CA1: variants seen among roughly 807,000 people sequenced by gnomAD.
CA1 encodes the protein carbonate dehydratase I.
A neutral mutation model predicts 28.8 loss-of-function variants in CA1; 27 were observed. The observed-to-expected ratio is 0.94, with a 90% CI of 0.69 to 1.29. The LOEUF (loss-of-function observed/expected upper bound fraction) is 1.29. CA1 is among the 50% of genes most tolerant of loss of function. The pLI is 0.00. For missense variants in CA1, 335 were observed against 310.5 expected (o/e 1.08, Z -0.59); for synonymous variants, 121 against 108.8 (o/e 1.11, Z -0.70).
intron 7 of CA1, 82 bp downstream of exon 7, chr8:85,329,607 T>C (rs1289727098): frequency 8.3e-7 from 1 of 1,205,064 alleles, no homozygotes; most frequent in Non-Finnish European, 1.2e-6. Flanking sequence ...CTGACTGAAA[T>C]AATAATCTCT....
chr8:85,376,982 T>G (rs1810442702), intron 1 of CA1, among the ~76,000 whole-genome samples: 1 of 152,214 alleles, frequency 6.6e-6, no homozygotes, highest in African/African-American at 2.4e-5. Context: ...TTTACAATAC[T>G]GGGAGAAGAG....
chr8:85,340,075 A>G (rs1013838967), intron 2 of CA1, among the ~76,000 whole-genome samples: 1 of 152,242 alleles, frequency 6.6e-6, no homozygotes, highest in Non-Finnish European at 1.5e-5. Context: ...TGACTACACT[A>G]AACAACAGAT....
rs76157700 is a variant in CA1, at chr8:85,371,914, T to A, written c.-25+6132A>T. On this transcript the variant is annotated intron_variant, in intron 1 of 7. Transcript: ENST00000523022. ...TGATTTTAAGCTCAACCATCAAACA[T>A]CCATTAAACACCAAGTATATGTCAG... Among the ~76,000 whole-genome samples, 1,479 of 152,182 alleles carry A rather than the reference T, an allele frequency of 9.7e-3. 29 individuals carry two copies. The highest frequency in any genetic ancestry group is 0.034 in the African/African-American group (1,407 of 41,522).
chr8:85,340,693 A>T (rs1808877309), intron 2 of CA1, among the ~76,000 whole-genome samples: 1 of 152,198 alleles, frequency 6.6e-6, no homozygotes, highest in Admixed American at 6.5e-5. Context: ...GAACATTTGT[A>T]ATTCATGGGA....
intron 1 of CA1, among the ~76,000 whole-genome samples, chr8:85,353,200 G>A (rs929957789): frequency 6.6e-6 from 1 of 152,192 alleles, no homozygotes; most frequent in African/African-American, 2.4e-5. Context: ...CTAACATGAC[G>A]CTATAGACTT....
chr8:85,345,676 C>A (rs1158785755), intron 1 of CA1, among the ~76,000 whole-genome samples: 1 of 152,146 alleles, frequency 6.6e-6, no homozygotes, highest in Non-Finnish European at 1.5e-5. Context: ...CCCAAGTGCA[C>A]TGATCTGAAC....
intron 1 of CA1, among the ~76,000 whole-genome samples, chr8:85,376,523 G>A (rs1420163035): frequency 2.0e-5 from 3 of 151,470 alleles, no homozygotes; most frequent in South Asian, 2.1e-4. Flanking sequence ...TTAGACGGGC[G>A]TGGTGGCACA....
chr8:85,341,731 TG>T (rs2130222650), intron 1 of CA1, 72 bp from the exon 2 acceptor site: 2 of 842,800 alleles, frequency 2.4e-6, no homozygotes, highest in African/African-American at 1.7e-5. Flanking sequence ...AATCCCTGCT[TG>T]GGCGTTTTTA....
At chr8:85,366,111 T>C (rs1164998510) in intron 1 of CA1, among the ~76,000 whole-genome samples, 2 of 151,974 alleles carry the variant, frequency 1.3e-5, no homozygotes, top group Non-Finnish European at 2.9e-5. Flanking sequence ...AGCAGAACTA[T>C]TGTTAATCCA....
chr8:85,361,777 A>G (rs1052654349), intron 1 of CA1, among the ~76,000 whole-genome samples: 4 of 152,204 alleles, frequency 2.6e-5, no homozygotes, highest in African/African-American at 9.7e-5. Flanking sequence ...TGGAAACTCC[A>G]TGTGGATTGC....
At chr8:85,373,529 T>G (rs1460554166) in intron 1 of CA1, 2 of 152,236 alleles carry the variant, frequency 1.3e-5, no homozygotes, top group Non-Finnish European at 1.5e-5. Flanking sequence ...ACATAACTTT[T>G]ATTATGATAT....
chr8:85,345,488 T>G (rs541515761), intron 1 of CA1, among the ~76,000 whole-genome samples: 8 of 152,352 alleles, frequency 5.3e-5, no homozygotes, highest in African/African-American at 1.7e-4. Context: ...CTCTATGATA[T>G]GATAAAACCT....
chr8:85,360,092 A>G (rs1275667063), intron 1 of CA1, among the ~76,000 whole-genome samples: 1 of 152,238 alleles, frequency 6.6e-6, no homozygotes. Flanking sequence ...TTTGTTAGCC[A>G]GTCTTTGGGA....
chr8:85,333,325 A>G (rs1808489663), intron 5 of CA1, among the ~76,000 whole-genome samples, 200 bp downstream of exon 5: 1 of 152,196 alleles, frequency 6.6e-6, no homozygotes, highest in Non-Finnish European at 1.5e-5. Flanking sequence ...CCTGAAACTC[A>G]TTTCTCTCTT....
At chr8:85,364,767 G>A (rs570294039) in intron 1 of CA1, among the ~76,000 whole-genome samples, 1 of 152,316 alleles carries the variant, frequency 6.6e-6, no homozygotes, top group Non-Finnish European at 1.5e-5. Flanking sequence ...CCTCGTCTTA[G>A]TACCAGAAAT....
chr8:85,331,499 C>T (rs1273213001), intron 6 of CA1, among the ~76,000 whole-genome samples: 1 of 151,942 alleles, frequency 6.6e-6, no homozygotes, highest in Non-Finnish European at 1.5e-5. Context: ...CTCTTTTACC[C>T]AGGCTGGAGT....
At chr8:85,357,638 G>T (rs1809651841) in intron 1 of CA1, among the ~76,000 whole-genome samples, 1 of 152,232 alleles carries the variant, frequency 6.6e-6, no homozygotes, top group African/African-American at 2.4e-5. Context: ...ATGAATTCCA[G>T]CAGACTTCCT....
intron 1 of CA1, among the ~76,000 whole-genome samples, chr8:85,344,113 T>C (rs1809033979): frequency 7.2e-6 from 1 of 139,350 alleles, no homozygotes; most frequent in Non-Finnish European, 1.5e-5. Flanking sequence ...TTAAATTTTA[T>C]ATATATAAAA....
chr8:85,341,621 G>T lies in CA1; in HGVS notation c.15C>A (p.Asp5Glu). The T allele has an allele frequency of 1.3e-6, 2 of 1,596,740 alleles. No homozygotes were observed. The highest frequency in any genetic ancestry group is 1.7e-6 in the Non-Finnish European group (2 of 1,164,530). The change falls in exon 2 of 8, where the codon GAC becomes GAA. Residue 5 changes from aspartate to glutamate, a missense_variant. Coordinates refer to ENST00000523022, the MANE Select transcript of CA1 (RefSeq NM_001128831.4). MASP[D>E]WGYDDKNGPE... Reference sequence around the variant, plus strand: ...TACCATTTTTGTCATCATATCCCCAGTCTGGACTTGCCATTATCTTCTACT... The same window carrying T: ...TACCATTTTTGTCATCATATCCCCATTCTGGACTTGCCATTATCTTCTACT...
Sources: gnomAD v4.1 joint callset for allele counts (sites outside exome capture counted in the v4.1 genomes callset) on GRCh38, gnomAD v4.1.1 for gene constraint, MANE v1.5 for transcripts, NCBI Gene and HGNC (gene_info 2026-07-23, HGNC 2026-07-21) for gene names.